ATG14: variants seen among roughly 807,000 people sequenced by gnomAD.
ATG14 encodes the protein beclin 1-associated autophagy-related key regulator.
ATG14 carries 35 observed loss-of-function variants against 60.4 expected under a neutral mutation model. The observed-to-expected ratio is 0.58, with a 90% CI of 0.44 to 0.77. The LOEUF is 0.77. Ranked by LOEUF, ATG14 falls within the 30% of genes least tolerant of loss-of-function variation. The pLI is 0.00. For synonymous variants in ATG14, 234 were observed against 228.8 expected, an observed-to-expected ratio of 1.02 and a Z score of -0.21; for missense variants, 647 against 626.3, an observed-to-expected ratio of 1.03 and a Z score of -0.35.
chr14:55,391,523 A>G (rs1335499162), intron 3 of ATG14, among the ~76,000 whole-genome samples: 1 of 152,042 alleles, frequency 6.6e-6, no homozygotes, highest in African/African-American at 2.4e-5. Flanking sequence ...AAATTCACAT[A>G]GTTTTGTATG....
chr14:55,411,817 C>A lies in ATG14; in HGVS notation c.6G>T (p.Ala2=). 2 of 1,592,688 alleles carry A rather than the reference C, an allele frequency of 1.3e-6. No individual in the cohort carries two copies. The highest frequency in any genetic ancestry group is 1.7e-6 in the Non-Finnish European group (2 of 1,170,380). ...CCCGGGCTCCCTTCCCACTGGGAGA[C>A]GCCATGATGGCCTGAGAGGAGAGCC... M[A]SPSGKGARAL... is the part of the protein sequence containing the mutation. Residue 2 remains alanine, a synonymous_variant, in exon 1 of 10, where the codon GCG becomes GCT. Coordinates refer to ENST00000247178, the MANE Select transcript of ATG14 (RefSeq NM_014924.5).
intron 1 of ATG14, among the ~76,000 whole-genome samples, chr14:55,401,336 A>G (rs1386290183): frequency 6.7e-6 from 1 of 149,716 alleles, no homozygotes; most frequent in Non-Finnish European, 1.5e-5. Context: ...TATTTTTTCT[A>G]TTTTCATGTT....
At chr14:55,400,324 T>A (rs1024761196) in intron 1 of ATG14, among the ~76,000 whole-genome samples, 10 of 152,224 alleles carry the variant, frequency 6.6e-5, no homozygotes, top group African/African-American at 1.9e-4. Flanking sequence ...ATATAGTTTT[T>A]AAAAGTGTGT....
intron 9 of ATG14, among the ~76,000 whole-genome samples, chr14:55,372,496 C>T (rs554287181): frequency 3.7e-4 from 56 of 152,120 alleles, no homozygotes; most frequent in Non-Finnish European, 5.3e-4. Context: ...CCCAGGATCC[C>T]CCAAAGGTCC....
At position 55,381,966 on chromosome 14, in the gene ATG14, C is replaced by T. The variant is rs1885041149; in HGVS notation, c.873G>A (p.Gly291=). 5 of 1,613,102 alleles carry T rather than the reference C, an allele frequency of 3.1e-6. No individual in the cohort carries two copies. The highest frequency in any genetic ancestry group is 1.7e-5 in the Admixed American group (1 of 60,026). ...SWVEEKKTTQ[G]PDMEQSNPAY... Reference sequence around the variant, plus strand: ...AAAGGATATGCTGCTTCTCACCAGGCCCCTGGGTTGTTTTCTTCTCCTCCA... The same window carrying T: ...AAAGGATATGCTGCTTCTCACCAGGTCCCTGGGTTGTTTTCTTCTCCTCCA... The change falls in exon 6 of 10, where the codon GGG becomes GGA. Residue 291 remains glycine, a synonymous_variant. Transcript: ENST00000247178.
Position 55,366,850 on chromosome 14 carries a change from GATTTT to G in ATG14, c.*2764_*2768del, listed in dbSNP as rs1316709107. ...ATATGGTTCTGGCACCTACATGAAA[GATTTT>G]AATGAGCAGCAAAAAGAGTAGAAAA... is the stretch of plus-strand genomic sequence containing the variant. On this transcript the variant is annotated 3_prime_UTR_variant, in exon 10 of 10. Coordinates refer to ENST00000247178, the MANE Select transcript of ATG14 (RefSeq NM_014924.5). 4 of 152,570 alleles carry G rather than the reference GATTTT, an allele frequency of 2.6e-5. No homozygotes were observed. 9.5% of individuals were successfully genotyped at this position (152,570 alleles called of 1,614,324 possible).
rs192156454 is a variant in ATG14 at position 55,368,192 on chromosome 14, G to A, written c.*1427C>T. ...TGTCACTAAAAGAATGACAAGACAC[G>A]TGAGCTGAAAATGATCTCCTGCTGA... On this transcript the variant is annotated 3_prime_UTR_variant, in exon 10 of 10. Coordinates refer to ENST00000247178, the MANE Select transcript of ATG14 (RefSeq NM_014924.5). The A allele has an allele frequency of 2.2e-4, 33 of 152,648 alleles. No individual in the cohort carries two copies. Among genetic ancestry groups the A allele is most frequent in the African/African-American group, 7.5e-4 (31 of 41,532 alleles). The allele number at this position is 152,648 out of a possible 1,614,324, so 9.5% of individuals were successfully genotyped here.
chr14:55,377,052 A>G (rs1884930885), intron 9 of ATG14, among the ~76,000 whole-genome samples: 1 of 152,212 alleles, frequency 6.6e-6, no homozygotes, highest in Non-Finnish European at 1.5e-5. Context: ...ACTCAGTGAT[A>G]AGAAAATTGT....
Position 55,411,755 on chromosome 14 carries a change from G to C in ATG14, c.68C>G (p.Ala23Gly). 1 of 1,607,726 alleles carries C rather than the reference G, an allele frequency of 6.2e-7. No individual in the cohort carries two copies. Among genetic ancestry groups the C allele is most frequent in the South Asian group, 1.1e-5 (1 of 90,184 alleles). Reference sequence around the variant, plus strand: ...GTCCACGGAGTCCACCAGGTCCCGGGCGAGCGGCCGGGGCCCGCAGCCAGG... The same window carrying C: ...GTCCACGGAGTCCACCAGGTCCCGGCCGAGCGGCCGGGGCCCGCAGCCAGG... ...EAPGCGPRPL[A>G]RDLVDSVDDA... Residue 23 changes from alanine to glycine, a missense_variant, in exon 1 of 10, where the codon GCC becomes GGC. Coordinates refer to ENST00000247178, the MANE Select transcript of ATG14 (RefSeq NM_014924.5).
In ATG14 at chr14:55,382,041, A is replaced by G; in HGVS notation, c.798T>C (p.Pro266=). The change falls in exon 6 of 10, where the codon CCT becomes CCC. Residue 266 remains proline (P), a synonymous_variant. Transcript: ENST00000247178. Reference sequence around the variant, plus strand: ...CCCCATTGTTAGGGAGGCTAATCCAAGGCCCTGTAATGCTAATGCTGGTGT... The same window carrying G: ...CCCCATTGTTAGGGAGGCTAATCCAGGGCCCTGTAATGCTAATGCTGGTGT... The part of the protein sequence containing the change: ...NGDTSISITG[P]WISLPNNGDY... 6.2e-7 allele frequency: 1 copy of G among 1,614,164 alleles called. No homozygotes were observed. The highest frequency in any genetic ancestry group is 8.5e-7 in the Non-Finnish European group (1 of 1,180,022).
rs558619680 is a variant in ATG14, at chr14:55,401,660, G to A, written c.222-4226C>T. 2.7e-5 allele frequency among the ~76,000 whole-genome samples: 4 copies of A among 150,650 alleles called. No individual in the cohort carries two copies. The South Asian group carries it at 8.4e-4, about 31-fold the overall frequency. On this transcript the variant is annotated intron_variant, in intron 1 of 9. Coordinates refer to ENST00000247178, the MANE Select transcript of ATG14 (RefSeq NM_014924.5). ...TTTATGACTTATGATTTTTTTTTCTGTTAAAAAAAGGTACTCCCTTAAACT... is the reference window on the plus strand; with the variant it reads ...TTTATGACTTATGATTTTTTTTTCTATTAAAAAAAGGTACTCCCTTAAACT...
intron 3 of ATG14, among the ~76,000 whole-genome samples, chr14:55,392,194 C>T (rs554041910): frequency 6.6e-6 from 1 of 152,278 alleles, no homozygotes; most frequent in East Asian, 1.9e-4. Context: ...GAAACTAATG[C>T]CACCACTGAT....
chr14:55,389,787 T>G (rs1885182991), intron 4 of ATG14, among the ~76,000 whole-genome samples: 1 of 152,226 alleles, frequency 6.6e-6, no homozygotes, highest in Non-Finnish European at 1.5e-5. Context: ...AATAGAAATG[T>G]ATATGATGTT....
At chr14:55,406,572 T>C (rs1248150919) in intron 1 of ATG14, among the ~76,000 whole-genome samples, 1 of 152,248 alleles carries the variant, frequency 6.6e-6, no homozygotes, top group East Asian at 1.9e-4. Context: ...CTTTCTCCTC[T>C]GTATTGCCAG....
Position 55,366,577 on chromosome 14 carries a change from A to T in ATG14, c.*3042T>A, listed in dbSNP as rs1209870553. ...CTTCCCCAAATTGAGTCCTTACATG[A>T]GTCCCGTCCACTCTACCCAATGGTG... On this transcript the variant is annotated 3_prime_UTR_variant, in exon 10 of 10. Transcript: ENST00000247178. The T allele has an allele frequency of 6.6e-6, 1 of 152,460 alleles. No individual in the cohort carries two copies. The highest frequency in any genetic ancestry group is 1.9e-4 in the East Asian group (1 of 5,190). 9.4% of individuals were successfully genotyped at this position (152,460 alleles called of 1,614,324 possible).
rs1167643050 is a variant in ATG14, at chr14:55,366,916, A to G, written c.*2703T>C. 1 of 152,688 alleles carries G rather than the reference A, an allele frequency of 6.5e-6. No homozygotes were observed. Among genetic ancestry groups the G allele is most frequent in the Admixed American group, 6.5e-5 (1 of 15,282 alleles). 9.5% of individuals were successfully genotyped at this position (152,688 alleles called of 1,614,324 possible). A position where few individuals can be genotyped will look rare whatever the true frequency, so the allele number is the denominator to read the frequency against. On this transcript the variant is annotated 3_prime_UTR_variant, in exon 10 of 10. Transcript: ENST00000247178. ...GAAATGTATACTTAAGAGTATTTAC[A>G]GGGTGGATCCAGTGCAAAATAATGA...
At chr14:55,401,839 G>A (rs1030667564) in intron 1 of ATG14, among the ~76,000 whole-genome samples, 1 of 152,204 alleles carries the variant, frequency 6.6e-6, no homozygotes, top group Non-Finnish European at 1.5e-5. Flanking sequence ...TGAGACCTGA[G>A]GGTGAGCCAG....
intron 1 of ATG14, among the ~76,000 whole-genome samples, chr14:55,407,087 G>A (rs34727214): frequency 0.29 from 43,762 of 151,534 alleles, 6,444 homozygotes; most frequent in East Asian, 0.47. Context: ...TCAGCTTCCC[G>A]AGTAGCTGGG....
chr14:55,374,427 A>G (rs2140121726), intron 9 of ATG14, among the ~76,000 whole-genome samples: 1 of 152,310 alleles, frequency 6.6e-6, no homozygotes, highest in South Asian at 2.1e-4. Flanking sequence ...GAAAGATTTC[A>G]GTTGTCTAGA....
Sources: allele counts gnomAD v4.1 joint callset (sites outside exome capture counted in the v4.1 genomes callset), GRCh38; gene constraint gnomAD v4.1.1; transcripts MANE v1.5; gene names NCBI Gene and HGNC (gene_info 2026-07-23, HGNC 2026-07-21).